The following SH2D6 variants were observed in gnomAD, a reference collection of about 807,000 sequenced individuals.
SH2D6 encodes the protein SH2 domain containing 6.
In SH2D6, 31 loss-of-function variants were observed where a neutral mutation model predicts 30.2. That is an observed-to-expected ratio of 1.03 (90% CI 0.77 to 1.38). The LOEUF (loss-of-function observed/expected upper bound fraction) is 1.38. Ranked by LOEUF, SH2D6 falls within the 40% of genes most tolerant of loss-of-function variation. The pLI, the probability that SH2D6 is intolerant of heterozygous loss-of-function variation, is 0.00. For synonymous variants in SH2D6, 93 were observed against 104.6 expected (o/e 0.89, Z 0.68); for missense variants, 240 against 266.8 (o/e 0.90, Z 0.70).
chr2:85,428,959 A>G (rs1688299458), intron 7 of SH2D6, among the ~76,000 whole-genome samples: 1 of 152,226 alleles, frequency 6.6e-6, no homozygotes, highest in African/African-American at 2.4e-5. Context: ...ATGGATAAAT[A>G]CATCCATCAA....
At chr2:85,424,214 CT>C (rs774606126) in intron 5 of SH2D6, among the ~76,000 whole-genome samples, 16 of 152,170 alleles carry the variant, frequency 1.1e-4, no homozygotes, top group Non-Finnish European at 1.8e-4. Context: ...GAGAGGAATC[CT>C]TGTGTCATCA....
chr2:85,433,024 T>C (rs1688938670), intron 14 of SH2D6, 75 bp from the exon 15 acceptor site: 1 of 985,210 alleles, frequency 1.0e-6, no homozygotes, highest in African/African-American at 1.7e-5. Flanking sequence ...ACTCTGCTTT[T>C]TCAGCCTCAG....
chr2:85,425,567 C>T (rs11894268), intron 6 of SH2D6, among the ~76,000 whole-genome samples, 160 bp downstream of exon 6: 29,749 of 152,022 alleles, frequency 0.2, 3,929 homozygotes, highest in African/African-American at 0.37. Context: ...CACGCCCGGC[C>T]GGATTAAAGT....
intron 5 of SH2D6, among the ~76,000 whole-genome samples, chr2:85,423,645 C>A (rs1291705265): frequency 4.6e-5 from 7 of 152,230 alleles, no homozygotes; most frequent in Non-Finnish European, 7.3e-5. Flanking sequence ...AGGGATGGGG[C>A]AGAGGCCTCT....
intron 22 of SH2D6, 125 bp downstream of exon 22, chr2:85,435,949 G>C: frequency 7.7e-7 from 1 of 1,299,584 alleles, no homozygotes; most frequent in Non-Finnish European, 1.0e-6. Flanking sequence ...AGAAATGACA[G>C]AGCCCAGAGC....
chr2:85,435,055 C>A lies in SH2D6; in HGVS notation c.590-10C>A. 1 of 1,205,204 alleles carries A rather than the reference C, an allele frequency of 8.3e-7. No homozygotes were observed. The highest frequency in any genetic ancestry group is 1.1e-6 in the Non-Finnish European group (1 of 884,462). 74.7% of individuals were successfully genotyped at this position (1,205,204 alleles called of 1,614,324 possible). A position where few individuals can be genotyped will look rare whatever the true frequency, so the allele number is the denominator to read the frequency against. ...CACCCCACCCCAGCTCAATAATCTG[C>A]TTCTTCTAGAAGGAAGGAAATCGTC... On this transcript the variant is annotated splice_polypyrimidine_tract_variant and intron_variant, in intron 19 of 23. Coordinates refer to ENST00000469800, the MANE Select transcript of SH2D6 (RefSeq NM_001394463.1).
At chr2:85,423,699 C>G (rs907043521) in intron 5 of SH2D6, among the ~76,000 whole-genome samples, 1 of 152,216 alleles carries the variant, frequency 6.6e-6, no homozygotes, top group Non-Finnish European at 1.5e-5. Context: ...CCTTCATCAC[C>G]CATCACAGCT....
In SH2D6 at chr2:85,430,167, C is replaced by T. The variant is rs1688445923; in HGVS notation, c.64+152C>T. The T allele has an allele frequency of 6.5e-6, 1 of 152,672 alleles. No homozygotes were observed. The highest frequency in any genetic ancestry group is 2.4e-5 in the African/African-American group (1 of 41,436). The allele number at this position is 152,672 out of a possible 1,614,324, so 9.5% of individuals were successfully genotyped here. A position where few individuals can be genotyped will look rare whatever the true frequency, so the allele number is the denominator to read the frequency against. On this transcript the variant is annotated intron_variant, in intron 10 of 23. Transcript: ENST00000469800. This position sits in a 1 kb window ranked among gnomAD's most constrained non-coding sequence, Gnocchi z 4.3. Reference sequence around the variant, plus strand: ...CTCTCCCATCTGTCTTGGCCAGAGTCAAGGGTGCAGGGGACAGGGGATGGG... The same window carrying T: ...CTCTCCCATCTGTCTTGGCCAGAGTTAAGGGTGCAGGGGACAGGGGATGGG...
intron 6 of SH2D6, among the ~76,000 whole-genome samples, chr2:85,426,575 C>A (rs1688068335): frequency 6.6e-6 from 1 of 152,232 alleles, no homozygotes; most frequent in Admixed American, 6.5e-5. Flanking sequence ...GTTCAGAGAG[C>A]TTCTCCATAG....
At chr2:85,419,445 C>T (rs749938603) in intron 2 of SH2D6, among the ~76,000 whole-genome samples, 3 of 152,210 alleles carry the variant, frequency 2.0e-5, no homozygotes, top group Non-Finnish European at 4.4e-5. Flanking sequence ...CAGGGTCCGG[C>T]CTGCTCGGTA....
chr2:85,435,909 A>G, intron 22 of SH2D6, 85 bp downstream of exon 22: 1 of 1,427,968 alleles, frequency 7.0e-7, no homozygotes, highest in African/African-American at 1.4e-5. Context: ...CTAGGGAAAA[A>G]TCTTCATTTT....
At chr2:85,425,850 A>G (rs925989052) in intron 6 of SH2D6, among the ~76,000 whole-genome samples, 44 of 151,996 alleles carry the variant, frequency 2.9e-4, no homozygotes, top group Non-Finnish European at 5.9e-4. Context: ...CCACCCTCCC[A>G]GGGTGCATTT....
Position 85,435,508 on chromosome 2 carries a change from C to T in SH2D6, c.732+12C>T, listed in dbSNP as rs367553012. 9.3e-6 allele frequency: 15 copies of T among 1,612,328 alleles called. No homozygotes were observed. The highest frequency in any genetic ancestry group is 1.7e-5 in the Admixed American group (1 of 59,886). Reference sequence around the variant, plus strand: ...TCCACTTACAAAAGGTGGGCAGCCACGGACCCCGGGTCTTCTCCAAAACCC... The same window carrying T: ...TCCACTTACAAAAGGTGGGCAGCCATGGACCCCGGGTCTTCTCCAAAACCC... On this transcript the variant is annotated intron_variant, in intron 21 of 23. Coordinates refer to ENST00000469800, the MANE Select transcript of SH2D6 (RefSeq NM_001394463.1).
chr2:85,431,553 C>G (rs1449594332), intron 13 of SH2D6, among the ~76,000 whole-genome samples: 2 of 152,178 alleles, frequency 1.3e-5, no homozygotes, highest in African/African-American at 4.8e-5. Flanking sequence ...AGCTGCCCTT[C>G]CCTTGGATTC....
chr2:85,425,812 A>G (rs1008763338), intron 6 of SH2D6, among the ~76,000 whole-genome samples: 1 of 151,990 alleles, frequency 6.6e-6, no homozygotes, highest in East Asian at 1.9e-4. Flanking sequence ...CACTCCCCTA[A>G]GCCTCTGGAA....
intron 6 of SH2D6, among the ~76,000 whole-genome samples, chr2:85,427,016 C>T (rs1033829056): frequency 1.9e-4 from 29 of 152,344 alleles, no homozygotes; most frequent in Admixed American, 1.9e-3. Flanking sequence ...CCCACCCCGC[C>T]ACCACGTTTG....
At chr2:85,429,521 G>A (rs1688361029) in intron 8 of SH2D6, 53 bp downstream of exon 8, 1 of 152,672 alleles carries the variant, frequency 6.5e-6, no homozygotes, top group Non-Finnish European at 1.5e-5. Context: ...CCACCTGGGA[G>A]GCCCAGGACT....
rs1367975601 is a variant in SH2D6, at chr2:85,434,805, G to C, written c.590-260G>C. On this transcript the variant is annotated intron_variant, in intron 19 of 23. Transcript: ENST00000469800. ...GAGGGGACCCTCTTGGGCATTTTCC[G>C]GTGCCTGCACCAAATCAGGAAGCTC... 5.5e-6 allele frequency: 8 copies of C among 1,451,884 alleles called. No homozygotes were observed. In the South Asian group the frequency reaches 1.2e-4, roughly 21 times the overall value. The allele number at this position is 1,451,884 out of a possible 1,614,324, so 89.9% of individuals were successfully genotyped here.
chr2:85,427,987 C>T (rs1381711269), intron 6 of SH2D6, among the ~76,000 whole-genome samples: 1 of 152,114 alleles, frequency 6.6e-6, no homozygotes, highest in African/African-American at 2.4e-5. Context: ...AGCCAGGATG[C>T]CACCGAAATA....
Sources: allele counts gnomAD v4.1 joint callset (sites outside exome capture counted in the v4.1 genomes callset), GRCh38; gene constraint gnomAD v4.1.1; non-coding constraint Gnocchi (gnomAD v3.1); transcripts MANE v1.5; gene names NCBI Gene and HGNC (gene_info 2026-07-23, HGNC 2026-07-21).